The following ADAM9 variants were observed in gnomAD, a reference collection of about 807,000 sequenced individuals.
ADAM9 encodes ADAM metallopeptidase domain 9.
Under a neutral mutation model 108.1 loss-of-function variants are expected in ADAM9, and 54 were observed. The ratio of observed to expected loss-of-function variants is 0.50; its 90% CI spans 0.40 to 0.63. The LOEUF is 0.63. ADAM9 is among the 20% of genes least tolerant of loss of function. The pLI is 0.00. For missense variants in ADAM9, 830 were observed against 997.7 expected, an observed-to-expected ratio of 0.83 and a Z score of 2.26; for synonymous variants, 316 against 336.0, an observed-to-expected ratio of 0.94 and a Z score of 0.65.
chr8:39,021,623 C>G lies in ADAM9; in HGVS notation c.673-20C>G. On this transcript the variant is annotated intron_variant, in intron 7 of 21. Coordinates refer to ENST00000487273, the MANE Select transcript of ADAM9 (RefSeq NM_003816.3). ...TTAAAGTACTTTGGTGATAATGATT[C>G]TCCTTCTTTGCTTTTCCAGTATGAC... 1 of 1,607,416 alleles carries G rather than the reference C, an allele frequency of 6.2e-7. No individual in the cohort carries two copies. The highest frequency in any genetic ancestry group is 8.5e-7 in the Non-Finnish European group (1 of 1,174,036).
At chr8:39,016,422 CACTA>C (rs1476878050) in intron 5 of ADAM9, among the ~76,000 whole-genome samples, 1 of 151,800 alleles carries the variant, frequency 6.6e-6, no homozygotes, top group Non-Finnish European at 1.5e-5. Flanking sequence ...TTTTTGAGAC[CACTA>C]AATCATTTTT....
At chr8:39,007,656 C>T (rs532372501) in intron 1 of ADAM9, among the ~76,000 whole-genome samples, 72 of 152,332 alleles carry the variant, frequency 4.7e-4, no homozygotes, top group African/African-American at 1.6e-3. Flanking sequence ...TGGATAAAGA[C>T]TGATATTCTT....
At chr8:39,065,845 G>GCAGCCA (rs897443446) in intron 14 of ADAM9, among the ~76,000 whole-genome samples, 3 of 151,922 alleles carry the variant, frequency 2.0e-5, no homozygotes, top group African/African-American at 7.3e-5. Context: ...TTGATATGCT[G>GCAGCCA]CAGCCATTAA....
Position 39,101,918 on chromosome 8 carries a change from A to G in ADAM9, c.2354A>G (p.Gln785Arg), listed in dbSNP as rs1169183064. 1.2e-6 allele frequency: 2 copies of G among 1,613,738 alleles called. No homozygotes were observed. Among genetic ancestry groups the G allele is most frequent in the Non-Finnish European group, 1.7e-6 (2 of 1,179,784 alleles). ...VPTYAAKQPQ[Q>R]FPSRPPPPQP... is the part of the protein sequence containing the mutation. ...ACCTATGCAGCCAAGCAACCTCAGC[A>G]GTTCCCATCAAGGTCAGAAGAAAAT... The change falls in exon 21 of 22, where the codon CAG (glutamine) becomes CGG (arginine). Residue 785 changes from glutamine (Q) to arginine (R), a missense_variant. Transcript: ENST00000487273.
intron 1 of ADAM9, among the ~76,000 whole-genome samples, chr8:39,002,806 G>A (rs1564214763): frequency 6.6e-6 from 1 of 152,128 alleles, no homozygotes; most frequent in Non-Finnish European, 1.5e-5. Context: ...TCATGTTTCA[G>A]TGGTTCACGT....
chr8:39,037,262 C>T (rs1408684929), intron 11 of ADAM9, among the ~76,000 whole-genome samples: 3 of 147,456 alleles, frequency 2.0e-5, no homozygotes, highest in Non-Finnish European at 3.0e-5. Context: ...GGGGTTTCAC[C>T]GTGGTCTCGA....
intron 2 of ADAM9, among the ~76,000 whole-genome samples, chr8:39,009,113 C>T (rs1836261781): frequency 6.6e-6 from 1 of 152,134 alleles, no homozygotes; most frequent in Non-Finnish European, 1.5e-5. Context: ...CTGTGAGTAC[C>T]ACCACCTACT....
At chr8:39,014,204 A>G (rs1836451845) in intron 4 of ADAM9, 161 bp downstream of exon 4, 7 of 670,164 alleles carry the variant, frequency 1.0e-5, no homozygotes, top group South Asian at 5.2e-5. Flanking sequence ...GTGCATTTCT[A>G]TAGACTAAGC....
chr8:39,004,334 C>A (rs1199062206), intron 1 of ADAM9, among the ~76,000 whole-genome samples: 2 of 151,966 alleles, frequency 1.3e-5, no homozygotes, highest in Non-Finnish European at 2.9e-5. Context: ...CCACTTTAGC[C>A]TCCTGAGTAG....
chr8:39,017,049 A>G (rs1836556028), intron 5 of ADAM9, 170 bp from the exon 6 acceptor site: 3 of 691,980 alleles, frequency 4.3e-6, no homozygotes, highest in South Asian at 3.8e-5. Context: ...TGAGCTTTCA[A>G]TTTAGGTCCG....
chr8:39,104,832 A>G lies in ADAM9; in HGVS notation c.*1132A>G. ...GAATTTTTACTATGGCAGATATGGT[A>G]TGGATCGTAAAATTTTAAGCACTAA... On this transcript the variant is annotated 3_prime_UTR_variant, in exon 22 of 22. Transcript: ENST00000487273. 1 of 452,630 alleles carries G rather than the reference A, an allele frequency of 2.2e-6. No individual in the cohort carries two copies. The highest frequency in any genetic ancestry group is 1.6e-5 in the South Asian group (1 of 63,768). 28.0% of individuals were successfully genotyped at this position (452,630 alleles called of 1,614,324 possible). A position where few individuals can be genotyped will look rare whatever the true frequency, so the allele number is the denominator to read the frequency against.
intron 14 of ADAM9, among the ~76,000 whole-genome samples, chr8:39,068,309 AG>A (rs1433067987): frequency 6.6e-6 from 1 of 152,000 alleles, no homozygotes; most frequent in Non-Finnish European, 1.5e-5. Flanking sequence ...CCACATCTTT[AG>A]GTTTTTTTCC....
intron 1 of ADAM9, among the ~76,000 whole-genome samples, chr8:38,999,999 C>T (rs1835945288): frequency 6.6e-6 from 1 of 152,052 alleles, no homozygotes; most frequent in Middle Eastern, 3.4e-3. Context: ...GAATGCAGTC[C>T]TTTTGTATCT....
chr8:39,069,583 G>T (rs974580654), intron 14 of ADAM9, among the ~76,000 whole-genome samples: 1 of 152,096 alleles, frequency 6.6e-6, no homozygotes, highest in Non-Finnish European at 1.5e-5. Context: ...TATGAGGAAG[G>T]CAGGGCTCAG....
At position 39,042,121 on chromosome 8, in the gene ADAM9, A is replaced by G. The variant is rs757592136; in HGVS notation, c.1302+4A>G. On this transcript the variant is annotated splice_donor_region_variant and intron_variant, in intron 12 of 21. Coordinates refer to ENST00000487273, the MANE Select transcript of ADAM9 (RefSeq NM_003816.3). ...GTGTGACTGTGGTACTCCAAAGGTCAGTTTAATTTTTGACTTTTGCCTTGT... is the reference window on the plus strand; with the variant it reads ...GTGTGACTGTGGTACTCCAAAGGTCGGTTTAATTTTTGACTTTTGCCTTGT... The G allele has an allele frequency of 6.2e-7, 1 of 1,614,012 alleles. No homozygotes were observed. Among genetic ancestry groups the G allele is most frequent in the Admixed American group, 1.7e-5 (1 of 60,024 alleles).
chr8:39,038,148 G>A (rs1837344272), intron 11 of ADAM9, among the ~76,000 whole-genome samples: 1 of 152,122 alleles, frequency 6.6e-6, no homozygotes, highest in African/African-American at 2.4e-5. Flanking sequence ...CTTCTTTGTA[G>A]TCTTCCTCTT....
chr8:39,021,573 T>C, intron 7 of ADAM9, 70 bp from the exon 8 acceptor site: 1 of 1,388,782 alleles, frequency 7.2e-7, no homozygotes, highest in Non-Finnish European at 1.0e-6. Context: ...CATGAGGTAC[T>C]GCACCCGGCC....
At position 39,090,106 on chromosome 8, in the gene ADAM9, A is replaced by G. The variant is rs765562572; in HGVS notation, c.2128A>G (p.Ile710Val). ...CTTCTTCTTCCTAATTGTTCCCCTT[A>G]TTGTCTGTGCTATTTTTATCTTCAT... ...LVFFFLIVPLIVCAIFIFIKR... is the reference protein window; with the variant it reads ...LVFFFLIVPLVVCAIFIFIKR... The change falls in exon 19 of 22, where the codon ATT (isoleucine) becomes GTT (valine). Residue 710 changes from isoleucine (I) to valine (V), a missense_variant. This residue lies in a region of ADAM9 where 238 missense variants were observed against 235.7 expected (regional missense o/e 1.01). Transcript: ENST00000487273. The G allele has an allele frequency of 6.2e-7, 1 of 1,613,766 alleles. No individual in the cohort carries two copies. The highest frequency in any genetic ancestry group is 8.5e-7 in the Non-Finnish European group (1 of 1,179,812).
Position 39,103,928 on chromosome 8 carries a change from T to C in ADAM9, c.*228T>C, listed in dbSNP as rs571508341. The C allele has an allele frequency of 1.5e-5, 10 of 674,472 alleles. No individual in the cohort carries two copies. The highest frequency in any genetic ancestry group is 2.2e-5 in the Non-Finnish European group (8 of 369,250). The allele number at this position is 674,472 out of a possible 1,614,324, so 41.8% of individuals were successfully genotyped here. On this transcript the variant is annotated 3_prime_UTR_variant, in exon 22 of 22. Coordinates refer to ENST00000487273, the MANE Select transcript of ADAM9 (RefSeq NM_003816.3). ...TACAATAACATTTCCGTTTCCATCA[T>C]TGAATAAGTCTTATTCAGTCATCGG...
Sources: allele counts gnomAD v4.1 joint callset (sites outside exome capture counted in the v4.1 genomes callset), GRCh38; gene constraint gnomAD v4.1.1; regional missense constraint gnomAD v4.1.1; transcripts MANE v1.5; gene names NCBI Gene and HGNC (gene_info 2026-07-23, HGNC 2026-07-21).